The following MTHFD1L variants were observed in gnomAD, a reference collection of about 807,000 sequenced individuals.
MTHFD1L encodes the protein monofunctional C1-tetrahydrofolate synthase, mitochondrial.
Under a neutral mutation model 119.5 loss-of-function variants are expected in MTHFD1L, and 81 were observed. That is an observed-to-expected ratio of 0.68 (90% CI 0.57 to 0.82). MTHFD1L has a LOEUF of 0.82. Among genes scored for constraint, MTHFD1L ranks in the 40% least tolerant of loss-of-function variants. The pLI is 0.00. For missense variants in MTHFD1L, 1,125 were observed against 1,253.4 expected (o/e 0.90, Z 1.55); for synonymous variants, 430 against 475.2 (o/e 0.90, Z 1.24).
intron 26 of MTHFD1L, chr6:151,041,765 G>T: frequency 1.9e-6 from 1 of 518,728 alleles, no homozygotes. Flanking sequence ...CCCTCTTGTT[G>T]TGTCCTCAAG....
chr6:151,069,251 TTCTCTCTCTCTCTC>T (rs371324778), intron 26 of MTHFD1L, among the ~76,000 whole-genome samples: 1 of 136,592 alleles, frequency 7.3e-6, no homozygotes, highest in Admixed American at 7.3e-5. Flanking sequence ...TTCTCTCTCT[TTCTCTCTCTCTCTC>T]TCTCTCTCTC....
chr6:150,966,531 TGGG>T (rs750159465), intron 19 of MTHFD1L, among the ~76,000 whole-genome samples: 1 of 151,746 alleles, frequency 6.6e-6, no homozygotes, highest in South Asian at 2.1e-4. Flanking sequence ...ATGACAGAAA[TGGG>T]GGGATTGGCC....
chr6:150,964,882 G>T, intron 18 of MTHFD1L, 87 bp from the exon 19 acceptor site: 2 of 1,349,020 alleles, frequency 1.5e-6, no homozygotes, highest in Non-Finnish European at 2.1e-6. Flanking sequence ...GCCCACCCAA[G>T]AAGCAGGCTG....
At chr6:150,875,818 G>C (rs1196735620) in intron 1 of MTHFD1L, among the ~76,000 whole-genome samples, 1 of 152,100 alleles carries the variant, frequency 6.6e-6, no homozygotes, top group Non-Finnish European at 1.5e-5. Context: ...GAAAATACAA[G>C]AGAAAAATTC....
chr6:151,049,798 C>G (rs150874748), intron 26 of MTHFD1L, among the ~76,000 whole-genome samples: 110 of 152,232 alleles, frequency 7.2e-4, no homozygotes, highest in African/African-American at 2.5e-3. Flanking sequence ...TCCATGGTTC[C>G]TGGTTCCTGA....
chr6:150,877,628 C>T lies in MTHFD1L; in HGVS notation c.313-6C>T, dbSNP rs751550915. The T allele has an allele frequency of 6.2e-7, 1 of 1,614,010 alleles. No homozygotes were observed. The highest frequency in any genetic ancestry group is 1.7e-4 in the Middle Eastern group (1 of 5,978). ...TATGTTGTTATGTTGTTTTTACCTT[C>T]CTAAGGCAGGTGACGACAACTTGAT... On this transcript the variant is annotated splice_polypyrimidine_tract_variant and splice_region_variant and intron_variant, in intron 2 of 27. Transcript: ENST00000367321.
chr6:151,100,059 AGTCTCGCTCT>A, intron 27 of MTHFD1L: 1 of 589,588 alleles, frequency 1.7e-6, no homozygotes, highest in Non-Finnish European at 2.9e-6. Context: ...TTTGAGACGC[AGTCTCGCTCT>A]GTCACCCAGG....
Position 150,960,401 on chromosome 6 carries a change from A to G in MTHFD1L, c.1930A>G (p.Thr644Ala), listed in dbSNP as rs1302017213. The change falls in exon 18 of 28, where the codon ACA becomes GCA. Residue 644 changes from threonine (T) to alanine (A), a missense_variant. Physicochemically the swap from Thr to Ala is moderately conservative, Grantham distance 58. Transcript: ENST00000367321. ...VASDKSGQPV[T>A]ADDLGVTGAL... ...CAGTGACAAAAGCGGGCAGCCTGTG[A>G]CAGCAGATGATTTGGTGAGTGTTTC... is the stretch of plus-strand genomic sequence containing the variant. The G allele has an allele frequency of 3.1e-6, 5 of 1,610,120 alleles. No individual in the cohort carries two copies. Among genetic ancestry groups the G allele is most frequent in the Non-Finnish European group, 4.2e-6 (5 of 1,178,022 alleles).
rs769300755 is a variant in MTHFD1L at position 150,932,816 on chromosome 6, G to GAGGAAGGAAGGAAAGAAAGAAGGC, written c.1257-3975_1257-3974insAGAAAGAAGGCAGGAAGGAAGGAA. 5.9e-5 allele frequency among the ~76,000 whole-genome samples: 7 copies of GAGGAAGGAAGGAAAGAAAGAAGGC among 119,484 alleles called. 1 individual carries two copies. Among genetic ancestry groups the GAGGAAGGAAGGAAAGAAAGAAGGC allele is most frequent in the African/African-American group, 2.3e-4 (7 of 30,294 alleles). The allele number at this position is 119,484 out of a possible 152,430, so 78.4% of individuals were successfully genotyped here. A position where few individuals can be genotyped will look rare whatever the true frequency, so the allele number is the denominator to read the frequency against. On this transcript the variant is annotated intron_variant, in intron 11 of 27. Coordinates refer to ENST00000367321, the MANE Select transcript of MTHFD1L (RefSeq NM_015440.5). ...GAAGAAAGGGAGGAAGAGAGGGAGG[G>GAGGAAGGAAGGAAAGAAAGAAGGC]AGGAAGGAAGGAAGGAAGGAAGGAA...
rs1018078627 is a variant in MTHFD1L, at chr6:151,092,655, T to G, written c.*31+68T>G. 13 of 931,654 alleles carry G rather than the reference T, an allele frequency of 1.4e-5. No homozygotes were observed. In the African/African-American group the frequency reaches 2.0e-4, roughly 14 times the overall value. The allele number at this position is 931,654 out of a possible 1,614,324, so 57.7% of individuals were successfully genotyped here. ...CAGTTCATATCCTTTTTTTGTCATT[T>G]TTTTTTTCTGATACCACAGAAGTGA... On this transcript the variant is annotated intron_variant, in intron 27 of 27. Transcript: ENST00000367321.
intron 26 of MTHFD1L, among the ~76,000 whole-genome samples, chr6:151,080,160 G>A (rs7759156): frequency 0.27 from 40,982 of 151,876 alleles, 5,682 homozygotes; most frequent in South Asian, 0.44. Context: ...CCTGGATGAC[G>A]GAGTGAGACT....
intron 20 of MTHFD1L, among the ~76,000 whole-genome samples, chr6:150,986,520 G>A (rs1223438176): frequency 2.0e-5 from 3 of 152,144 alleles, no homozygotes; most frequent in Non-Finnish European, 4.4e-5. Flanking sequence ...CAGATCATAA[G>A]GCGTGGGTCC....
At chr6:150,875,158 C>T (rs1350978842) in intron 1 of MTHFD1L, among the ~76,000 whole-genome samples, 7 of 151,940 alleles carry the variant, frequency 4.6e-5, no homozygotes, top group South Asian at 2.1e-4. Context: ...TGGGCTCAAG[C>T]GGTCCTCCAG....
chr6:150,887,030 A>G (rs1583384391), intron 6 of MTHFD1L, among the ~76,000 whole-genome samples: 1 of 151,828 alleles, frequency 6.6e-6, no homozygotes, highest in African/African-American at 2.4e-5. Flanking sequence ...AATTCAACGA[A>G]CTAAATCTTT....
intron 13 of MTHFD1L, 109 bp from the exon 14 acceptor site, chr6:150,944,377 G>C (rs1793611666): frequency 1.3e-6 from 1 of 776,996 alleles, no homozygotes; most frequent in African/African-American, 1.7e-5. Context: ...GAGCCCAAGA[G>C]TTTGAGAATA....
At chr6:151,097,272 T>A (rs1258642403) in intron 27 of MTHFD1L, among the ~76,000 whole-genome samples, 1 of 152,204 alleles carries the variant, frequency 6.6e-6, no homozygotes, top group Non-Finnish European at 1.5e-5. Context: ...ATGTTTGTTA[T>A]TTACAAAAGA....
chr6:151,062,239 A>G (rs1348083713), intron 26 of MTHFD1L, among the ~76,000 whole-genome samples: 1 of 152,204 alleles, frequency 6.6e-6, no homozygotes, highest in Non-Finnish European at 1.5e-5. Flanking sequence ...GATCGAGACC[A>G]TTCTAGCTAA....
At chr6:150,972,579 C>A (rs1028177208) in intron 20 of MTHFD1L, among the ~76,000 whole-genome samples, 1 of 152,178 alleles carries the variant, frequency 6.6e-6, no homozygotes, top group African/African-American at 2.4e-5. Flanking sequence ...GAGTTTGTGT[C>A]CAGCCTGGGC....
intron 24 of MTHFD1L, among the ~76,000 whole-genome samples, chr6:151,029,294 G>A (rs1012585209): frequency 2.6e-5 from 4 of 151,616 alleles, no homozygotes; most frequent in Non-Finnish European, 5.9e-5. Context: ...GGTGGCGGGA[G>A]CCTGTAATCC....
Sources: gnomAD v4.1 joint callset for allele counts (sites outside exome capture counted in the v4.1 genomes callset) on GRCh38, gnomAD v4.1.1 for gene constraint, MANE v1.5 for transcripts, NCBI Gene and HGNC (gene_info 2026-07-23, HGNC 2026-07-21) for gene names.